PIP5KL1: variants seen among roughly 807,000 people sequenced by gnomAD.
PIP5KL1 encodes phosphatidylinositol-4-phosphate 5-kinase like 1.
In PIP5KL1, 45 loss-of-function variants were observed where a neutral mutation model predicts 47.6. The ratio of observed to expected loss-of-function variants is 0.94; its 90% confidence interval spans 0.74 to 1.21. The LOEUF is 1.21. Among genes scored for constraint, PIP5KL1 ranks in the 50% most tolerant of loss-of-function variants. The probability of loss-of-function intolerance (pLI) is 0.00; values close to 1 mark genes in which losing one functional copy is unlikely to be tolerated. For missense variants in PIP5KL1, 577 were observed against 547.6 expected, an observed-to-expected ratio of 1.05 and a Z score of -0.54; for synonymous variants, 256 against 234.6, an observed-to-expected ratio of 1.09 and a Z score of -0.84.
In PIP5KL1 at chr9:127,921,777, G is replaced by T; in HGVS notation, c.*70C>A. ...AGGAGGAAGCGCAGGCGAGATGCCC[G>T]GGCCCGGGGGAACCGGCGTTCCTGG... On this transcript the variant is annotated 3_prime_UTR_variant, in exon 10 of 10. Coordinates refer to ENST00000388747, the MANE Select transcript of PIP5KL1 (RefSeq NM_001135219.2). The T allele has an allele frequency of 6.7e-7, 1 of 1,484,480 alleles. No homozygotes were observed. The highest frequency in any genetic ancestry group is 1.3e-5 in the South Asian group (1 of 77,114). The allele number at this position is 1,484,480 out of a possible 1,614,324, so 92.0% of individuals were successfully genotyped here.
At position 127,927,165 on chromosome 9, in the gene PIP5KL1, C is replaced by T; in HGVS notation, c.638G>A (p.Arg213His). ...TTAGGCCACTCACCTCTCGGAGATG[C>T]GGCCGGCGGGGTAGAAGACGCTCTG... The part of the protein sequence containing the change: ...VMQSVFYPAG[R>H]ISERYDIKGC... Residue 213 changes from arginine (R) to histidine (H), a missense_variant, in exon 7 of 10, where the codon CGC becomes CAC. Physicochemically the swap from Arg to His is conservative, Grantham distance 29. Coordinates refer to ENST00000388747, the MANE Select transcript of PIP5KL1 (RefSeq NM_001135219.2). The surrounding 1 kb of genome is among the most constrained non-coding windows in gnomAD (Gnocchi z 5.5). 6.2e-7 allele frequency: 1 copy of T among 1,611,184 alleles called. No homozygotes were observed. The highest frequency in any genetic ancestry group is 8.5e-7 in the Non-Finnish European group (1 of 1,178,354).
rs1831282440 is a variant in PIP5KL1 at position 127,921,716 on chromosome 9, G to C, written c.*131C>G. The C allele has an allele frequency of 1.6e-6, 2 of 1,276,818 alleles. No homozygotes were observed. Among genetic ancestry groups the C allele is most frequent in the Admixed American group, 5.4e-5 (2 of 36,774 alleles). The allele number at this position is 1,276,818 out of a possible 1,614,324, so 79.1% of individuals were successfully genotyped here. Reference sequence around the variant, plus strand: ...CGTCAAACGGGACTGCGCGGTTACGGTATTAGTTAGGGGATGCTGCCCTCT... The same window carrying C: ...CGTCAAACGGGACTGCGCGGTTACGCTATTAGTTAGGGGATGCTGCCCTCT... On this transcript the variant is annotated 3_prime_UTR_variant, in exon 10 of 10. Transcript: ENST00000388747.
Position 127,922,013 on chromosome 9 carries a change from T to A in PIP5KL1, c.1019A>T (p.Gln340Leu), listed in dbSNP as rs1347759731. 7 of 1,575,856 alleles carry A rather than the reference T, an allele frequency of 4.4e-6. No homozygotes were observed. Among genetic ancestry groups the A allele is most frequent in the Non-Finnish European group, 6.0e-6 (7 of 1,161,804 alleles). ...ATCCACGACGCCCAGGAAATAGCGC[T>A]GCTCGGGCCCGTCCAGGATGTGTAG... Reference protein sequence around the residue: ...NALHILDGPEQRYFLGVVDLA... With the variant: ...NALHILDGPELRYFLGVVDLA... Residue 340 changes from glutamine to leucine, a missense_variant, in exon 10 of 10, where the codon CAG (glutamine) becomes CTG (leucine). Physicochemically the swap from Gln to Leu is moderately radical, Grantham distance 113. Coordinates refer to ENST00000388747, the MANE Select transcript of PIP5KL1 (RefSeq NM_001135219.2).
intron 1 of PIP5KL1, 118 bp downstream of exon 1, chr9:127,930,605 G>C: frequency 7.9e-7 from 1 of 1,273,464 alleles, no homozygotes; most frequent in Non-Finnish European, 1.0e-6. Flanking sequence ...GGTCTTCGCC[G>C]GCTGCAGGGC....
In PIP5KL1 at chr9:127,927,877, C is replaced by T. The variant is rs1831386624; in HGVS notation, c.435-105G>A. The T allele has an allele frequency of 6.0e-6, 9 of 1,495,726 alleles. No individual in the cohort carries two copies. The Admixed American group carries it at 2.0e-4, about 34-fold the overall frequency. 92.7% of individuals were successfully genotyped at this position (1,495,726 alleles called of 1,614,324 possible). A position where few individuals can be genotyped will look rare whatever the true frequency, so the allele number is the denominator to read the frequency against. On this transcript the variant is annotated intron_variant, in intron 4 of 9. Transcript: ENST00000388747. This position sits in a 1 kb window ranked among gnomAD's most constrained non-coding sequence, Gnocchi z 5.5. ...CGTGGATCTCGCTCCCAGGTCTCGGCACCGCCTCTCTCGCCTTCGGCCCTC... is the reference window on the plus strand; with the variant it reads ...CGTGGATCTCGCTCCCAGGTCTCGGTACCGCCTCTCTCGCCTTCGGCCCTC...
rs909027318 is a variant in PIP5KL1, at chr9:127,927,802, C to T, written c.435-30G>A. On this transcript the variant is annotated intron_variant, in intron 4 of 9. Transcript: ENST00000388747. This position sits in a 1 kb window ranked among gnomAD's most constrained non-coding sequence, Gnocchi z 5.5. ...GGGGCAAGAGAAAGAGGTCACTGCC[C>T]AGGCCTGGCTGGAGCGGCTCCCACC... 7 of 1,550,662 alleles carry T rather than the reference C, an allele frequency of 4.5e-6. No homozygotes were observed. In the African/African-American group the frequency reaches 6.8e-5, roughly 15 times the overall value.
At position 127,922,035 on chromosome 9, in the gene PIP5KL1, G is replaced by A. The variant is rs1831289873; in HGVS notation, c.997C>T (p.His333Tyr). The A allele has an allele frequency of 6.4e-7, 1 of 1,573,418 alleles. No homozygotes were observed. Residue 333 changes from histidine to tyrosine, a missense_variant, in exon 10 of 10, where the codon CAC becomes TAC. Coordinates refer to ENST00000388747, the MANE Select transcript of PIP5KL1 (RefSeq NM_001135219.2). Reference sequence around the variant, plus strand: ...CGCTGCTCGGGCCCGTCCAGGATGTGTAGGGCGTTGGGGGCGTCGGGCAGC... The same window carrying A: ...CGCTGCTCGGGCCCGTCCAGGATGTATAGGGCGTTGGGGGCGTCGGGCAGC... ...RLLPDAPNALHILDGPEQRYF... is the reference protein window; with the variant it reads ...RLLPDAPNALYILDGPEQRYF...
rs1554721224 is a variant in PIP5KL1, at chr9:127,927,212, G to C, written c.595-4C>G. 6.2e-7 allele frequency: 1 copy of C among 1,613,246 alleles called. No homozygotes were observed. The highest frequency in any genetic ancestry group is 1.1e-5 in the South Asian group (1 of 90,988). On this transcript the variant is annotated splice_region_variant and splice_polypyrimidine_tract_variant and intron_variant, in intron 6 of 9. Transcript: ENST00000388747. The surrounding 1 kb of genome is among the most constrained non-coding windows in gnomAD (Gnocchi z 5.5). ...TCTGCATGACGATGAAGTACGTCTGGGGGCCGGGACAGGGAGTGAGGGAGG... is the reference window on the plus strand; with the variant it reads ...TCTGCATGACGATGAAGTACGTCTGCGGGCCGGGACAGGGAGTGAGGGAGG...
Position 127,927,115 on chromosome 9 carries a change from G to A in PIP5KL1, c.650+38C>T, listed in dbSNP as rs758625191. ...GTGGGTGCTTCGGGCCGCGAGTTTC[G>A]GCTGGGATGGGGGCCCAAACCTGCT... On this transcript the variant is annotated intron_variant, in intron 7 of 9. Coordinates refer to ENST00000388747, the MANE Select transcript of PIP5KL1 (RefSeq NM_001135219.2). The surrounding 1 kb of genome is among the most constrained non-coding windows in gnomAD (Gnocchi z 5.5). The A allele has an allele frequency of 3.2e-6, 5 of 1,569,822 alleles. No homozygotes were observed. The Admixed American group carries it at 7.2e-5, about 23-fold the overall frequency.
At chr9:127,925,757 C>G (rs1479828033) in intron 8 of PIP5KL1, 110 bp downstream of exon 8, 5 of 954,174 alleles carry the variant, frequency 5.2e-6, no homozygotes, top group Non-Finnish European at 8.3e-6. Flanking sequence ...AGCCACGGCG[C>G]CCGGCCGAAT....
chr9:127,922,682 G>A (rs4837207), intron 9 of PIP5KL1, among the ~76,000 whole-genome samples: 1 of 134,658 alleles, frequency 7.4e-6, no homozygotes, highest in African/African-American at 2.8e-5. Flanking sequence ...GCAACAGAGC[G>A]AGACTCTGTC....
intron 2 of PIP5KL1, chr9:127,928,738 C>T (rs745358482): frequency 5.4e-6 from 3 of 555,226 alleles, no homozygotes; most frequent in Non-Finnish European, 9.6e-6. Context: ...CAGCACCAGG[C>T]CATGAGTTCA....
rs1386712261 is a variant in PIP5KL1, at chr9:127,921,282, C to A, written c.*565G>T. On this transcript the variant is annotated 3_prime_UTR_variant, in exon 10 of 10. Coordinates refer to ENST00000388747, the MANE Select transcript of PIP5KL1 (RefSeq NM_001135219.2). ...CCAGAGCTCCAGGCAGCCCCCAGGA[C>A]CCCTGCTTCTCCCACCTGCATCCCT... is the stretch of plus-strand genomic sequence containing the variant. 1 of 153,256 alleles carries A rather than the reference C, an allele frequency of 6.5e-6. No homozygotes were observed. The highest frequency in any genetic ancestry group is 2.4e-5 in the African/African-American group (1 of 41,474). The allele number at this position is 153,256 out of a possible 1,614,324, so 9.5% of individuals were successfully genotyped here. A position where few individuals can be genotyped will look rare whatever the true frequency, so the allele number is the denominator to read the frequency against.
Position 127,927,514 on chromosome 9 carries a change from C to T in PIP5KL1, c.559+134G>A, listed in dbSNP as rs62585276. 1.7e-5 allele frequency: 25 copies of T among 1,441,334 alleles called. No individual in the cohort carries two copies. In the South Asian group the frequency reaches 3.6e-4, roughly 21 times the overall value. 89.3% of individuals were successfully genotyped at this position (1,441,334 alleles called of 1,614,324 possible). On this transcript the variant is annotated intron_variant, in intron 5 of 9. Coordinates refer to ENST00000388747, the MANE Select transcript of PIP5KL1 (RefSeq NM_001135219.2). This position sits in a 1 kb window ranked among gnomAD's most constrained non-coding sequence, Gnocchi z 5.5. ...AACACAGCCCCAGTGGTGCCCCGCC[C>T]CCACGTATGGCCCCACCCCCATGCC...
Position 127,925,936 on chromosome 9 carries a change from C to A in PIP5KL1, c.694G>T (p.Ala232Ser). 6.2e-7 allele frequency: 1 copy of A among 1,613,970 alleles called. No individual in the cohort carries two copies. Residue 232 changes from alanine to serine, a missense_variant, in exon 8 of 10, where the codon GCC (alanine) becomes TCC (serine). Ala to Ser is a moderately conservative substitution (Grantham distance 99, BLOSUM62 1). Coordinates refer to ENST00000388747, the MANE Select transcript of PIP5KL1 (RefSeq NM_001135219.2). The stretch of plus-strand genomic sequence containing the variant: ...AGAACAAGGGGGCTGCCCTCAGGGG[C>A]GGGATCCACCCAGCGGCTCACCTCG... ...GCEVSRWVDPAPEGSPLVLVL... is the reference protein window; with the variant it reads ...GCEVSRWVDPSPEGSPLVLVL...
chr9:127,925,584 G>T, intron 8 of PIP5KL1: 1 of 485,198 alleles, frequency 2.1e-6, no homozygotes, highest in Non-Finnish European at 3.7e-6. Flanking sequence ...TCCTGCCTCA[G>T]CCTCCTGAGT....
intron 9 of PIP5KL1, among the ~76,000 whole-genome samples, chr9:127,922,609 G>A (rs981086466): frequency 6.9e-6 from 1 of 145,194 alleles, no homozygotes; most frequent in Non-Finnish European, 1.5e-5. Flanking sequence ...CAGGAGAATC[G>A]CTTGAACCCG....
rs1393734060 is a variant in PIP5KL1 at position 127,921,845 on chromosome 9, C to A, written c.*2G>T. ...GATCCGGAGAGTGGGGCCGGGCGCC[C>A]GTCACTCCGTGTGCGCCTCCACCCA... On this transcript the variant is annotated 3_prime_UTR_variant, in exon 10 of 10. Coordinates refer to ENST00000388747, the MANE Select transcript of PIP5KL1 (RefSeq NM_001135219.2). 1.3e-6 allele frequency: 2 copies of A among 1,569,606 alleles called. No individual in the cohort carries two copies. Among genetic ancestry groups the A allele is most frequent in the Middle Eastern group, 2.2e-4 (1 of 4,462 alleles).
Position 127,921,719 on chromosome 9 carries a change from T to G in PIP5KL1, c.*128A>C. On this transcript the variant is annotated 3_prime_UTR_variant, in exon 10 of 10. Coordinates refer to ENST00000388747, the MANE Select transcript of PIP5KL1 (RefSeq NM_001135219.2). ...CAAACGGGACTGCGCGGTTACGGTA[T>G]TAGTTAGGGGATGCTGCCCTCTGGC... is the stretch of plus-strand genomic sequence containing the variant. The G allele has an allele frequency of 1.2e-5, 15 of 1,266,550 alleles. No individual in the cohort carries two copies. The highest frequency in any genetic ancestry group is 1.6e-5 in the Non-Finnish European group (15 of 943,230). 78.5% of individuals were successfully genotyped at this position (1,266,550 alleles called of 1,614,324 possible).
Sources: gnomAD v4.1 joint callset for allele counts (sites outside exome capture counted in the v4.1 genomes callset) on GRCh38, gnomAD v4.1.1 for gene constraint, Gnocchi (gnomAD v3.1) non-coding constraint, MANE v1.5 for transcripts, NCBI Gene and HGNC (gene_info 2026-07-23, HGNC 2026-07-21) for gene names.